The following RNF10 variants were observed in gnomAD, a reference collection of about 807,000 sequenced individuals.
The protein encoded by RNF10 is ring finger protein 10, also known as E3 ubiquitin-protein ligase RNF10.
RNF10 carries 38 observed loss-of-function variants against 91.4 expected under a neutral mutation model. The observed-to-expected ratio is 0.42, with a 90% CI of 0.32 to 0.54. RNF10 has a LOEUF of 0.54. Among genes scored for constraint, RNF10 ranks in the 20% least tolerant of loss-of-function variants. The pLI, the probability that RNF10 is intolerant of heterozygous loss-of-function variation, is 0.16. For missense variants in RNF10, 945 were observed against 1,012.0 expected (o/e 0.93, Z 0.90); for synonymous variants, 364 against 366.3 (o/e 0.99, Z 0.07).
In RNF10 at chr12:120,577,253, G is replaced by T; in HGVS notation, c.*587G>T. Reference sequence around the variant, plus strand: ...ATGGAGTAGGCTGTCCTTGGCACTTGCATGTGTGAAAGGAGGGTTTTGCCT... The same window carrying T: ...ATGGAGTAGGCTGTCCTTGGCACTTTCATGTGTGAAAGGAGGGTTTTGCCT... On this transcript the variant is annotated 3_prime_UTR_variant, in exon 17 of 17. Transcript: ENST00000325954. 4.6e-6 allele frequency: 2 copies of T among 434,442 alleles called. No individual in the cohort carries two copies. The highest frequency in any genetic ancestry group is 1.6e-5 in the South Asian group (1 of 60,828). The allele number at this position is 434,442 out of a possible 1,614,324, so 26.9% of individuals were successfully genotyped here. A position where few individuals can be genotyped will look rare whatever the true frequency, so the allele number is the denominator to read the frequency against.
At chr12:120,566,698 G>T (rs1875756046) in intron 12 of RNF10, 127 bp from the exon 13 acceptor site, 2 of 859,398 alleles carry the variant, frequency 2.3e-6, no homozygotes, top group South Asian at 1.6e-5. Flanking sequence ...GGAGGCAGAG[G>T]ATGCAGTGAA....
chr12:120,537,765 G>C (rs537406545), intron 1 of RNF10, among the ~76,000 whole-genome samples: 30 of 152,164 alleles, frequency 2.0e-4, no homozygotes, highest in Admixed American at 1.8e-3. Flanking sequence ...TCTGCTGTGC[G>C]TGTTCGTTTA....
At chr12:120,537,480 T>C (rs1404302947) in intron 1 of RNF10, among the ~76,000 whole-genome samples, 1 of 149,716 alleles carries the variant, frequency 6.7e-6, no homozygotes, top group Non-Finnish European at 1.5e-5. Flanking sequence ...TACAAAAAAT[T>C]AGTCCGGCGT....
chr12:120,536,122 A>G (rs1870754028), intron 1 of RNF10, among the ~76,000 whole-genome samples: 1 of 152,176 alleles, frequency 6.6e-6, no homozygotes. Flanking sequence ...TCAAGATTAA[A>G]AAAACTGTTT....
Position 120,563,699 on chromosome 12 carries a change from C to T in RNF10, c.1531+76C>T, listed in dbSNP as rs1001278913. ...TGACCCGGTGCTCTAAGCAGAGGAG[C>T]GCCACTAGATCCTGTGGCTTGGGTG... On this transcript the variant is annotated intron_variant, in intron 9 of 16. Transcript: ENST00000325954. The T allele has an allele frequency of 3.9e-5, 62 of 1,570,086 alleles. 1 individual carries two copies. Among genetic ancestry groups the T allele is most frequent in the South Asian group, 7.1e-5 (6 of 84,172 alleles).
chr12:120,547,900 T>C (rs1421596181), intron 2 of RNF10, among the ~76,000 whole-genome samples: 2 of 152,178 alleles, frequency 1.3e-5, no homozygotes, highest in Non-Finnish European at 2.9e-5. Flanking sequence ...TACAAAGATA[T>C]TCTTGGTGAG....
At chr12:120,572,721 G>A (rs973794476) in intron 14 of RNF10, among the ~76,000 whole-genome samples, 3 of 151,556 alleles carry the variant, frequency 2.0e-5, no homozygotes, top group Non-Finnish European at 2.9e-5. Context: ...TCAGCCTCCC[G>A]GGTAGCTGGG....
intron 1 of RNF10, among the ~76,000 whole-genome samples, chr12:120,537,782 A>G (rs1246458561): frequency 6.6e-6 from 1 of 152,008 alleles, no homozygotes; most frequent in Non-Finnish European, 1.5e-5. Flanking sequence ...TTTAGCAAGG[A>G]AGGATGGGCT....
At chr12:120,538,231 A>C (rs1354641015) in intron 1 of RNF10, among the ~76,000 whole-genome samples, 1 of 152,196 alleles carries the variant, frequency 6.6e-6, no homozygotes, top group Non-Finnish European at 1.5e-5. Flanking sequence ...CAGTATTCAA[A>C]TATTTAAGTC....
At chr12:120,550,577 T>C (rs953979577) in intron 2 of RNF10, among the ~76,000 whole-genome samples, 1 of 151,706 alleles carries the variant, frequency 6.6e-6, no homozygotes, top group Non-Finnish European at 1.5e-5. Flanking sequence ...ATGTGGAGAA[T>C]GTGGCGTTTT....
chr12:120,557,389 C>T lies in RNF10; in HGVS notation c.753C>T (p.His251=), dbSNP rs1874200184. Residue 251 remains histidine, a synonymous_variant, in exon 5 of 17, where the codon CAC becomes CAT. Coordinates refer to ENST00000325954, the MANE Select transcript of RNF10 (RefSeq NM_014868.5). ...GHIFCWACIL[H]YLSLSEKTWS... is the part of the protein sequence containing the mutation. ...TCTTCTGCTGGGCATGCATCCTGCACTATCTTTCACTGAGTGAGAAGACGT... is the reference window on the plus strand; with the variant it reads ...TCTTCTGCTGGGCATGCATCCTGCATTATCTTTCACTGAGTGAGAAGACGT... 1 of 1,614,196 alleles carries T rather than the reference C, an allele frequency of 6.2e-7. No homozygotes were observed. The highest frequency in any genetic ancestry group is 1.3e-5 in the African/African-American group (1 of 75,052).
intron 12 of RNF10, among the ~76,000 whole-genome samples, chr12:120,565,809 G>T (rs1321856978): frequency 2.0e-5 from 3 of 152,248 alleles, no homozygotes; most frequent in Non-Finnish European, 4.4e-5. Context: ...CGCTAAGAAT[G>T]CTGGGGGCCA....
intron 1 of RNF10, among the ~76,000 whole-genome samples, 198 bp downstream of exon 1, chr12:120,535,166 T>C (rs1314288848): frequency 6.6e-6 from 1 of 152,254 alleles, no homozygotes; most frequent in Non-Finnish European, 1.5e-5. Flanking sequence ...TTTACATTAA[T>C]ACTCAAAACT....
chr12:120,546,341 A>G, intron 1 of RNF10, 64 bp from the exon 2 acceptor site: 12 of 1,468,136 alleles, frequency 8.2e-6, no homozygotes, highest in Non-Finnish European at 1.1e-5. Context: ...TGGGAGGTGG[A>G]GGGCAGTTGG....
At chr12:120,575,129 C>G (rs991000694) in intron 14 of RNF10, 2 of 156,184 alleles carry the variant, frequency 1.3e-5, no homozygotes, top group African/African-American at 4.9e-5. Flanking sequence ...ATCCCAGCTA[C>G]TTGGGAGGCT....
intron 1 of RNF10, among the ~76,000 whole-genome samples, chr12:120,538,123 A>C (rs923838494): frequency 2.0e-5 from 3 of 152,240 alleles, no homozygotes; most frequent in African/African-American, 7.2e-5. Flanking sequence ...AATCATTGAA[A>C]GGACCTCTTG....
chr12:120,548,745 C>T (rs945690535), intron 2 of RNF10, among the ~76,000 whole-genome samples: 9 of 151,334 alleles, frequency 5.9e-5, no homozygotes, highest in African/African-American at 1.2e-4. Context: ...CTGCAACCTC[C>T]GCTCTTGGGT....
chr12:120,560,061 T>G (rs904746891), intron 6 of RNF10, among the ~76,000 whole-genome samples: 39 of 152,230 alleles, frequency 2.6e-4, no homozygotes, highest in African/African-American at 8.7e-4. Flanking sequence ...ATTATAGGTG[T>G]GAGCCACTGC....
chr12:120,561,389 C>T (rs940272409), intron 7 of RNF10, among the ~76,000 whole-genome samples: 7 of 152,152 alleles, frequency 4.6e-5, no homozygotes, highest in African/African-American at 1.7e-4. Context: ...ATTCTTGAAG[C>T]ATCACAACCA....
Sources: allele counts gnomAD v4.1 joint callset (sites outside exome capture counted in the v4.1 genomes callset), GRCh38; gene constraint gnomAD v4.1.1; transcripts MANE v1.5; gene names NCBI Gene and HGNC (gene_info 2026-07-23, HGNC 2026-07-21).